PPME1: variants seen among roughly 807,000 people sequenced by gnomAD.
PPME1 encodes the protein protein phosphatase methylesterase 1.
A neutral mutation model predicts 56.9 loss-of-function variants in PPME1; 17 were observed. The observed-to-expected ratio is 0.30, with a 90% confidence interval of 0.20 to 0.45. PPME1 has a LOEUF of 0.45. PPME1 is among the 20% of genes least tolerant of loss of function. The probability of loss-of-function intolerance (pLI) is 1.00; values close to 1 mark genes in which losing one functional copy is unlikely to be tolerated. For missense variants in PPME1, 357 were observed against 483.2 expected, an observed-to-expected ratio of 0.74 and a Z score of 2.45; for synonymous variants, 122 against 156.2, an observed-to-expected ratio of 0.78 and a Z score of 1.63.
chr11:74,181,459 A>T (rs887512602), intron 1 of PPME1, among the ~76,000 whole-genome samples: 9 of 152,020 alleles, frequency 5.9e-5, no homozygotes, highest in African/African-American at 1.9e-4. Flanking sequence ...TGGCATCTCC[A>T]CTCATCAATT....
intron 1 of PPME1, among the ~76,000 whole-genome samples, chr11:74,189,538 C>T (rs774044526): frequency 2.0e-4 from 30 of 152,224 alleles, no homozygotes; most frequent in Non-Finnish European, 3.4e-4. Flanking sequence ...ATCCACCCAC[C>T]TCGGCCTCCC....
intron 11 of PPME1, chr11:74,248,500 C>T (rs1859565739): frequency 6.6e-6 from 1 of 152,168 alleles, no homozygotes; most frequent in Admixed American, 6.5e-5. Flanking sequence ...TTCAAAGGCT[C>T]TCACATATAA....
chr11:74,235,772 G>C, intron 7 of PPME1, 129 bp from the exon 8 acceptor site: 1 of 1,438,040 alleles, frequency 7.0e-7, no homozygotes, highest in Non-Finnish European at 9.3e-7. Context: ...AATCTCTATA[G>C]TAAGAAACAC....
intron 1 of PPME1, among the ~76,000 whole-genome samples, chr11:74,200,107 T>G (rs1858112427): frequency 6.6e-6 from 1 of 152,194 alleles, no homozygotes; most frequent in South Asian, 2.1e-4. Context: ...GGGGGGAAGT[T>G]AGTAATTAAT....
intron 1 of PPME1, among the ~76,000 whole-genome samples, chr11:74,194,278 C>T (rs1857922040): frequency 6.6e-6 from 1 of 151,930 alleles, no homozygotes; most frequent in Non-Finnish European, 1.5e-5. Flanking sequence ...GCTTATGATT[C>T]TTTGGGATCC....
rs550656083 is a variant in PPME1, at chr11:74,195,058, T to G, written c.102-8670T>G. On this transcript the variant is annotated intron_variant, in intron 1 of 13. Coordinates refer to ENST00000328257, the MANE Select transcript of PPME1 (RefSeq NM_016147.3). ...ATTATTTAATGTGAATGACCAAATA[T>G]TAAGAGAAGTTTTACAGAATTCAAA... is the stretch of plus-strand genomic sequence containing the variant. Among the ~76,000 whole-genome samples, 99 of 152,308 alleles carry G rather than the reference T, an allele frequency of 6.5e-4. 3 individuals carry two copies. In the South Asian group the frequency reaches 0.019, roughly 29 times the overall value.
At chr11:74,203,318 G>A (rs1251755342) in intron 1 of PPME1, among the ~76,000 whole-genome samples, 1 of 152,108 alleles carries the variant, frequency 6.6e-6, no homozygotes, top group African/African-American at 2.4e-5. Context: ...CAAGACTATT[G>A]ACTGTTGACT....
chr11:74,223,235 T>C (rs1858846889), intron 4 of PPME1, among the ~76,000 whole-genome samples: 1 of 151,958 alleles, frequency 6.6e-6, no homozygotes, highest in Non-Finnish European at 1.5e-5. Flanking sequence ...GAATGATGAT[T>C]TCCAATTTCA....
chr11:74,242,939 C>T (rs1859409868), intron 9 of PPME1, among the ~76,000 whole-genome samples: 1 of 149,892 alleles, frequency 6.7e-6, no homozygotes, highest in Non-Finnish European at 1.5e-5. Context: ...TCCCAAGGGA[C>T]CCACAGTGAT....
rs568268154 is a variant in PPME1, at chr11:74,236,497, C to T, written c.710+531C>T. On this transcript the variant is annotated intron_variant, in intron 8 of 13. Transcript: ENST00000328257. ...CTTTAGATGAATTGAGAAAATGTTGCCCAACAGAACAGACAGAAGTTAGAT... is the reference window on the plus strand; with the variant it reads ...CTTTAGATGAATTGAGAAAATGTTGTCCAACAGAACAGACAGAAGTTAGAT... Among the ~76,000 whole-genome samples, 25 of 152,222 alleles carry T rather than the reference C, an allele frequency of 1.6e-4. No individual in the cohort carries two copies. In the South Asian group the frequency reaches 4.1e-3, roughly 25 times the overall value.
intron 1 of PPME1, among the ~76,000 whole-genome samples, chr11:74,193,051 T>G (rs1237880111): frequency 7.9e-5 from 12 of 152,058 alleles, no homozygotes; most frequent in Admixed American, 5.9e-4. Context: ...CATTGTTGGT[T>G]GTTGCTTTTA....
intron 9 of PPME1, among the ~76,000 whole-genome samples, chr11:74,242,896 A>C (rs1591066456): frequency 6.6e-6 from 1 of 151,456 alleles, no homozygotes; most frequent in African/African-American, 2.4e-5. Flanking sequence ...AAAAAAAAAA[A>C]AAAAAAACAG....
At chr11:74,236,001 G>A in intron 8 of PPME1, 35 bp downstream of exon 8, 1 of 1,604,216 alleles carries the variant, frequency 6.2e-7, no homozygotes, top group Non-Finnish European at 8.5e-7. Context: ...TCTGGTTAGA[G>A]GCGGAAACAT....
At chr11:74,177,371 T>G (rs1236749512) in intron 1 of PPME1, among the ~76,000 whole-genome samples, 1 of 150,856 alleles carries the variant, frequency 6.6e-6, no homozygotes, top group Non-Finnish European at 1.5e-5. Context: ...ATCATTTGAG[T>G]CCGGGAAGCA....
intron 1 of PPME1, among the ~76,000 whole-genome samples, chr11:74,195,110 TACTC>T (rs1438407209): frequency 6.6e-6 from 1 of 152,220 alleles, no homozygotes; most frequent in Non-Finnish European, 1.5e-5. Flanking sequence ...AATTGTGAAA[TACTC>T]ATACAGAAAA....
chr11:74,203,905 T>C, intron 2 of PPME1, 84 bp downstream of exon 2: 1 of 989,118 alleles, frequency 1.0e-6, no homozygotes, highest in South Asian at 1.8e-5. Flanking sequence ...TAAAATGTTC[T>C]TTATTCCTGC....
At chr11:74,231,836 GTAAA>G (rs1458465524) in intron 7 of PPME1, among the ~76,000 whole-genome samples, 1 of 152,190 alleles carries the variant, frequency 6.6e-6, no homozygotes, top group Non-Finnish European at 1.5e-5. Flanking sequence ...AACTCAATGG[GTAAA>G]TAGTTTTTAT....
chr11:74,247,207 T>A (rs1859525372), intron 11 of PPME1, 84 bp downstream of exon 11: 2 of 1,253,346 alleles, frequency 1.6e-6, no homozygotes, highest in Non-Finnish European at 2.3e-6. Flanking sequence ...TAGTGAGGTA[T>A]AACGGAGAAA....
chr11:74,172,773 A>C (rs1365215114), intron 1 of PPME1, among the ~76,000 whole-genome samples: 4 of 152,226 alleles, frequency 2.6e-5, no homozygotes, highest in African/African-American at 9.6e-5. Flanking sequence ...AAAGATACTT[A>C]GGTATGAGGG....
Sources: allele counts gnomAD v4.1 joint callset (sites outside exome capture counted in the v4.1 genomes callset), GRCh38; gene constraint gnomAD v4.1.1; transcripts MANE v1.5; gene names NCBI Gene and HGNC (gene_info 2026-07-23, HGNC 2026-07-21).